CPAMD8: variants seen among roughly 807,000 people sequenced by gnomAD.
CPAMD8 encodes C3 and PZP-like alpha-2-macroglobulin domain-containing protein 8.
In CPAMD8, 146 loss-of-function variants were observed where a neutral mutation model predicts 224.7. The observed-to-expected ratio is 0.65, with a 90% CI of 0.57 to 0.75. The LOEUF (loss-of-function observed/expected upper bound fraction) is 0.75, where lower values mean the gene tolerates loss of function less well. Ranked by LOEUF, CPAMD8 falls within the 30% of genes least tolerant of loss-of-function variation. The pLI is 0.00. For missense variants in CPAMD8, 2,301 were observed against 2,537.5 expected (o/e 0.91, Z 2.00); for synonymous variants, 966 against 1,044.6 (o/e 0.92, Z 1.45).
At chr19:16,954,027 G>A (rs2054382815) in intron 19 of CPAMD8, among the ~76,000 whole-genome samples, 2 of 152,292 alleles carry the variant, frequency 1.3e-5, no homozygotes, top group South Asian at 2.1e-4. Flanking sequence ...TTGGGAGGCC[G>A]AGGTGGGTGG....
At position 16,924,273 on chromosome 19, in the gene CPAMD8, G is replaced by A. The variant is rs561860147; in HGVS notation, c.3547+923C>T. On this transcript the variant is annotated intron_variant, in intron 26 of 41. Transcript: ENST00000443236. Reference sequence around the variant, plus strand: ...CAAGTGGGTTTGGGGGGAAGATGGCGGGGGTTGATTTGGGGTTTGTTGAGT... The same window carrying A: ...CAAGTGGGTTTGGGGGGAAGATGGCAGGGGTTGATTTGGGGTTTGTTGAGT... Among the ~76,000 whole-genome samples the A allele has an allele frequency of 1.9e-4, 29 of 151,664 alleles. No homozygotes were observed. In the South Asian group the frequency reaches 4.6e-3, roughly 24 times the overall value.
intron 29 of CPAMD8, among the ~76,000 whole-genome samples, chr19:16,912,522 G>C (rs1408767877): frequency 6.6e-6 from 1 of 152,328 alleles, no homozygotes; most frequent in Middle Eastern, 3.4e-3. Flanking sequence ...GCCAAGGCAG[G>C]AGGATCACCT....
chr19:16,979,520 A>T (rs1568556645), intron 14 of CPAMD8, among the ~76,000 whole-genome samples: 1 of 148,312 alleles, frequency 6.7e-6, no homozygotes, highest in Non-Finnish European at 1.5e-5. Flanking sequence ...CCATCCATCC[A>T]TCCATCCATC....
intron 30 of CPAMD8, among the ~76,000 whole-genome samples, chr19:16,905,195 C>T (rs1011846345): frequency 6.6e-6 from 1 of 151,906 alleles, no homozygotes; most frequent in Non-Finnish European, 1.5e-5. Context: ...GAGCCAATAC[C>T]GAGCCACTGC....
At chr19:16,923,684 C>T (rs1035571999) in intron 26 of CPAMD8, among the ~76,000 whole-genome samples, 1 of 152,204 alleles carries the variant, frequency 6.6e-6, no homozygotes, top group African/African-American at 2.4e-5. Context: ...AAAAGAGAGG[C>T]CGGGCATCGT....
intron 41 of CPAMD8, chr19:16,894,746 A>G: frequency 3.6e-6 from 1 of 280,992 alleles, no homozygotes; most frequent in South Asian, 3.4e-5. Flanking sequence ...AGCAATACAA[A>G]AGAACAAACT....
chr19:16,928,300 T>C (rs979421470), intron 24 of CPAMD8, 66 bp from the exon 25 acceptor site: 1 of 1,326,926 alleles, frequency 7.5e-7, no homozygotes, highest in Non-Finnish European at 1.1e-6. Context: ...CAGGTGGCAG[T>C]GACACCAGCT....
At chr19:16,943,950 C>A (rs764099048) in intron 22 of CPAMD8, among the ~76,000 whole-genome samples, 2 of 152,144 alleles carry the variant, frequency 1.3e-5, no homozygotes, top group African/African-American at 2.4e-5. Context: ...GTGAAATTCA[C>A]GTGGAGATGA....
chr19:16,945,744 C>T (rs2054051468), intron 21 of CPAMD8, 65 bp from the exon 22 acceptor site: 7 of 1,458,840 alleles, frequency 4.8e-6, no homozygotes, highest in Non-Finnish European at 5.8e-6. Context: ...TGTCCCATCC[C>T]TATCCTTATC....
At chr19:16,960,849 C>T (rs2054628073) in intron 18 of CPAMD8, among the ~76,000 whole-genome samples, 1 of 151,478 alleles carries the variant, frequency 6.6e-6, no homozygotes, top group African/African-American at 2.4e-5. Context: ...GCTGAGATCC[C>T]ATCACTGCAC....
At chr19:16,942,834 G>A (rs370478177) in intron 22 of CPAMD8, among the ~76,000 whole-genome samples, 27 of 152,284 alleles carry the variant, frequency 1.8e-4, no homozygotes, top group African/African-American at 3.1e-4. Flanking sequence ...CTCAGAACAC[G>A]GAGCCTGCAT....
Position 16,925,403 on chromosome 19 carries a change from G to C in CPAMD8, c.3371-31C>G, listed in dbSNP as rs554156063. 8 of 1,576,512 alleles carry C rather than the reference G, an allele frequency of 5.1e-6. No individual in the cohort carries two copies. In the East Asian group the frequency reaches 1.6e-4, roughly 31 times the overall value. ...GGGAAGGAGAAGAGAGTTGAGTTGGGGGCTGTCCCAGTTCAGTAGAGAACA... is the reference window on the plus strand; with the variant it reads ...GGGAAGGAGAAGAGAGTTGAGTTGGCGGCTGTCCCAGTTCAGTAGAGAACA... On this transcript the variant is annotated intron_variant, in intron 25 of 41. Transcript: ENST00000443236.
chr19:16,965,868 C>T (rs1395309761), intron 18 of CPAMD8, among the ~76,000 whole-genome samples: 1 of 152,166 alleles, frequency 6.6e-6, no homozygotes, highest in Non-Finnish European at 1.5e-5. Context: ...GAAGAACATT[C>T]CATGCTAACG....
chr19:16,907,250 C>T (rs1027829915), intron 29 of CPAMD8, 133 bp from the exon 30 acceptor site: 11 of 1,104,790 alleles, frequency 1.0e-5, no homozygotes, highest in African/African-American at 1.7e-5. Flanking sequence ...CCTTCTGTGG[C>T]TCTCACTGCC....
chr19:16,961,511 G>A (rs1002687059), intron 18 of CPAMD8, among the ~76,000 whole-genome samples: 2 of 152,268 alleles, frequency 1.3e-5, no homozygotes, highest in African/African-American at 4.8e-5. Flanking sequence ...AAGTGGCTGG[G>A]AAGCTTAAAC....
intron 15 of CPAMD8, among the ~76,000 whole-genome samples, chr19:16,976,772 T>A (rs1437948722): frequency 6.6e-6 from 1 of 151,984 alleles, no homozygotes; most frequent in African/African-American, 2.4e-5. Flanking sequence ...CCAGGCGCAG[T>A]GGCTCACACC....
At chr19:16,996,297 C>A (rs1268494884) in intron 11 of CPAMD8, among the ~76,000 whole-genome samples, 1 of 152,112 alleles carries the variant, frequency 6.6e-6, no homozygotes, top group Non-Finnish European at 1.5e-5. Context: ...ATGATCTCAC[C>A]ACTGCACTCC....
In CPAMD8 at chr19:16,955,001, G is replaced by T. The variant is rs191090752; in HGVS notation, c.2277-2801C>A. ...AAATTAGCAGGGCATGGTGGTGGGC[G>T]GCTGTGGTCCCAGCTACTCAGGAGG... On this transcript the variant is annotated intron_variant, in intron 19 of 41. Transcript: ENST00000443236. Among the ~76,000 whole-genome samples, 3 of 152,320 alleles carry T rather than the reference G, an allele frequency of 2.0e-5. No homozygotes were observed. The East Asian group carries it at 5.8e-4, about 29-fold the overall frequency.
intron 30 of CPAMD8, 43 bp from the exon 31 acceptor site, chr19:16,904,595 T>C (rs759606614): frequency 2.2e-6 from 3 of 1,350,678 alleles, no homozygotes; most frequent in Admixed American, 1.7e-5. Flanking sequence ...CCACCCAGTG[T>C]GTAGCCTGGC....
Sources: allele counts gnomAD v4.1 joint callset (sites outside exome capture counted in the v4.1 genomes callset), GRCh38; gene constraint gnomAD v4.1.1; transcripts MANE v1.5; gene names NCBI Gene and HGNC (gene_info 2026-07-23, HGNC 2026-07-21).